Variants in RIMS1 observed in about 807,000 individuals in gnomAD.
RIMS1 encodes the protein regulating synaptic membrane exocytosis 1.
In RIMS1, 83 loss-of-function variants were observed where a neutral mutation model predicts 214.1. The ratio of observed to expected loss-of-function variants is 0.39; its 90% confidence interval spans 0.32 to 0.47. The LOEUF is 0.47. Among genes scored for constraint, RIMS1 ranks in the 20% least tolerant of loss-of-function variants. The pLI, the probability that RIMS1 is intolerant of heterozygous loss-of-function variation, is 0.99. For missense variants in RIMS1, 2,050 were observed against 2,161.8 expected, an observed-to-expected ratio of 0.95 and a Z score of 1.03; for synonymous variants, 793 against 786.8, an observed-to-expected ratio of 1.01 and a Z score of -0.13.
chr6:72,210,621 A>G (rs1213980798), intron 6 of RIMS1, among the ~76,000 whole-genome samples: 6 of 152,206 alleles, frequency 3.9e-5, no homozygotes. Flanking sequence ...GCCTTGAACC[A>G]GATATTAAGT....
chr6:71,892,277 C>G (rs1208102196), intron 1 of RIMS1, among the ~76,000 whole-genome samples: 1 of 152,196 alleles, frequency 6.6e-6, no homozygotes, highest in Admixed American at 6.5e-5. Context: ...TGACTGGATG[C>G]TTTACAAATT....
chr6:72,122,324 C>T (rs1420373622), intron 4 of RIMS1, among the ~76,000 whole-genome samples: 2 of 151,090 alleles, frequency 1.3e-5, no homozygotes, highest in Non-Finnish European at 1.5e-5. Flanking sequence ...CCTGCCTCAG[C>T]CTTTTAAGTA....
chr6:71,911,886 A>C (rs992143323), intron 1 of RIMS1, among the ~76,000 whole-genome samples: 2 of 152,052 alleles, frequency 1.3e-5, no homozygotes, highest in African/African-American at 4.8e-5. Flanking sequence ...ATATTTCTTA[A>C]ATTTGACCTC....
Position 72,213,911 on chromosome 6 carries a change from T to C in RIMS1, c.1679-19862T>C, listed in dbSNP as rs562466892. Among the ~76,000 whole-genome samples, 194 of 152,302 alleles carry C rather than the reference T, an allele frequency of 1.3e-3. 1 individual carries two copies. The highest frequency in any genetic ancestry group is 4.4e-3 in the African/African-American group (181 of 41,560). On this transcript the variant is annotated intron_variant, in intron 6 of 33. Transcript: ENST00000521978. ...GGAATCACAACTAAGTATGAGGCTG[T>C]GAAATATATAACCCAGAAGAAGGAT...
At chr6:71,969,170 G>A (rs1475853277) in intron 2 of RIMS1, 107 bp downstream of exon 2, 3 of 1,061,408 alleles carry the variant, frequency 2.8e-6, no homozygotes, top group Non-Finnish European at 4.4e-6. Context: ...GGCTGCTCTT[G>A]TATATGTAAC....
intron 22 of RIMS1, among the ~76,000 whole-genome samples, chr6:72,272,575 A>G (rs2083978299): frequency 1.3e-5 from 2 of 152,134 alleles, no homozygotes; most frequent in African/African-American, 4.8e-5. Context: ...TTCTAAATGT[A>G]CATCTTTCTC....
chr6:72,216,714 T>G, intron 6 of RIMS1: 1 of 985,998 alleles, frequency 1.0e-6, no homozygotes, highest in Non-Finnish European at 1.2e-6. Context: ...TGAGTGTCAG[T>G]GGGAACAAGA....
chr6:72,030,808 C>T (rs1817865805), intron 2 of RIMS1, among the ~76,000 whole-genome samples: 1 of 152,104 alleles, frequency 6.6e-6, no homozygotes, highest in Non-Finnish European at 1.5e-5. Flanking sequence ...ACTTTTATTT[C>T]CATTCTATTT....
intron 6 of RIMS1, among the ~76,000 whole-genome samples, chr6:72,200,764 A>G (rs1438016816): frequency 6.6e-6 from 1 of 151,966 alleles, no homozygotes; most frequent in African/African-American, 2.4e-5. Context: ...AAGTCTGAGA[A>G]CTAATTTCTT....
At chr6:72,250,583 A>T in intron 13 of RIMS1, 123 bp downstream of exon 13, 1 of 676,966 alleles carries the variant, frequency 1.5e-6, no homozygotes, top group Non-Finnish European at 2.3e-6. Context: ...AAAGTACATT[A>T]TCTCTGAAAA....
intron 4 of RIMS1, among the ~76,000 whole-genome samples, chr6:72,148,159 A>G (rs1439032002): frequency 1.3e-5 from 2 of 152,164 alleles, no homozygotes; most frequent in African/African-American, 2.4e-5. Context: ...GATTCATCTG[A>G]GGGGTGTGTC....
intron 2 of RIMS1, among the ~76,000 whole-genome samples, chr6:72,064,348 A>AGG (rs970847354): frequency 5.9e-5 from 9 of 151,680 alleles, no homozygotes; most frequent in South Asian, 2.1e-4. Context: ...AGAGAGAGAG[A>AGG]GAGGGAAGGA....
At position 72,274,359 on chromosome 6, in the gene RIMS1, T is replaced by G; in HGVS notation, c.3409T>G (p.Ser1137Ala). 1 of 1,610,860 alleles carries G rather than the reference T, an allele frequency of 6.2e-7. No individual in the cohort carries two copies. Among genetic ancestry groups the G allele is most frequent in the Non-Finnish European group, 8.5e-7 (1 of 1,177,740 alleles). Reference protein sequence around the residue: ...HSPERERGRWSPSLDRRRPPS... With the variant: ...HSPERERGRWAPSLDRRRPPS... The stretch of plus-strand genomic sequence containing the variant: ...TCACTGGGCAAACAGGGGTAGATGG[T>G]CCCCCTCCCTAGATAGGAGACGACC... The change falls in exon 23 of 34, where the codon TCC becomes GCC. Residue 1137 changes from serine (S) to alanine (A), a missense_variant. This residue lies in a region of RIMS1 where 889 missense variants were observed against 885.5 expected (regional missense o/e 1.00). Transcript: ENST00000521978.
chr6:71,905,116 A>T (rs1332558271), intron 1 of RIMS1, among the ~76,000 whole-genome samples: 9 of 152,114 alleles, frequency 5.9e-5, no homozygotes, highest in Admixed American at 5.2e-4. Flanking sequence ...ATTGTTCCAA[A>T]AACAGTCCTT....
intron 1 of RIMS1, among the ~76,000 whole-genome samples, chr6:71,895,495 C>T (rs894877634): frequency 3.3e-5 from 5 of 151,628 alleles, no homozygotes; most frequent in East Asian, 1.9e-4. Flanking sequence ...GCCAATATGG[C>T]GAAACCCCAT....
intron 29 of RIMS1, among the ~76,000 whole-genome samples, chr6:72,379,287 G>A (rs567161603): frequency 1.1e-4 from 17 of 152,304 alleles, no homozygotes; most frequent in East Asian, 7.7e-4. Flanking sequence ...ACTAGGCTTC[G>A]CCAGCTTCAT....
chr6:72,286,417 A>G (rs1270994405), intron 24 of RIMS1, among the ~76,000 whole-genome samples: 2 of 152,220 alleles, frequency 1.3e-5, no homozygotes, highest in Non-Finnish European at 2.9e-5. Context: ...TCCTCCAATC[A>G]GAATAGCAAG....
chr6:71,972,222 G>A (rs947115851), intron 2 of RIMS1, among the ~76,000 whole-genome samples: 12 of 152,240 alleles, frequency 7.9e-5, no homozygotes, highest in South Asian at 2.1e-4. Flanking sequence ...AAGAAATAAG[G>A]GATGAAAAGT....
chr6:72,125,244 C>T (rs2039266310), intron 4 of RIMS1, among the ~76,000 whole-genome samples: 2 of 152,218 alleles, frequency 1.3e-5, no homozygotes, highest in South Asian at 4.1e-4. Flanking sequence ...GGACCCTCAG[C>T]TACAGGTCTC....
Sources: gnomAD v4.1 joint callset for allele counts (sites outside exome capture counted in the v4.1 genomes callset) on GRCh38, gnomAD v4.1.1 for gene constraint, gnomAD v4.1.1 regional missense constraint, MANE v1.5 for transcripts, NCBI Gene and HGNC (gene_info 2026-07-23, HGNC 2026-07-21) for gene names.